The following VPS13C variants were observed in gnomAD, a reference collection of about 807,000 sequenced individuals.
The protein encoded by VPS13C is vacuolar protein sorting 13 homolog C.
A neutral mutation model predicts 456.8 loss-of-function variants in VPS13C; 358 were observed. The observed-to-expected ratio is 0.78, with a 90% confidence interval of 0.72 to 0.86. The LOEUF (loss-of-function observed/expected upper bound fraction) is 0.86. Among genes scored for constraint, VPS13C ranks in the 40% least tolerant of loss-of-function variants. The pLI is 0.00. For missense variants in VPS13C, 4,818 were observed against 4,385.4 expected (o/e 1.10, Z -2.79); for synonymous variants, 1,578 against 1,486.7 (o/e 1.06, Z -1.41).
rs74403638 is a variant in VPS13C, at chr15:62,031,266, T to A, written c.385+2175A>T. On this transcript the variant is annotated intron_variant, in intron 5 of 84. Coordinates refer to ENST00000644861, the MANE Select transcript of VPS13C (RefSeq NM_020821.3). The stretch of plus-strand genomic sequence containing the variant: ...TTTTGTTTTCATTTTTATCATCTGC[T>A]ACTTAGAGTTGAATCATCTCCTCTC... 1.4e-4 allele frequency among the ~76,000 whole-genome samples: 21 copies of A among 152,230 alleles called. No homozygotes were observed. The East Asian group carries it at 3.7e-3, about 27-fold the overall frequency.
At chr15:61,907,951 T>C (rs1363178527) in intron 65 of VPS13C, among the ~76,000 whole-genome samples, 1 of 152,096 alleles carries the variant, frequency 6.6e-6, no homozygotes, top group Non-Finnish European at 1.5e-5. Context: ...ACTTAAGATA[T>C]ATTATGGGTC....
intron 15 of VPS13C, among the ~76,000 whole-genome samples, chr15:62,006,842 T>A (rs1469804847): frequency 6.6e-6 from 1 of 152,222 alleles, no homozygotes; most frequent in East Asian, 1.9e-4. Context: ...GATTTGCATT[T>A]CTCTGATGGC....
Position 61,927,072 on chromosome 15 carries a change from G to C in VPS13C, c.6516+19C>G, listed in dbSNP as rs369800639. ...CTGCCATTCTTCAACCCAAGATTAG[G>C]ACACAAGGTAATTCTTACTGTGGTA... On this transcript the variant is annotated intron_variant, in intron 52 of 84. Coordinates refer to ENST00000644861, the MANE Select transcript of VPS13C (RefSeq NM_020821.3). 7 of 1,605,840 alleles carry C rather than the reference G, an allele frequency of 4.4e-6. No individual in the cohort carries two copies. Among genetic ancestry groups the C allele is most frequent in the Non-Finnish European group, 6.0e-6 (7 of 1,173,492 alleles).
At position 62,010,517 on chromosome 15, in the gene VPS13C, G is replaced by A. The variant is rs1383608475; in HGVS notation, c.966C>T (p.Cys322=). The A allele has an allele frequency of 1.9e-6, 3 of 1,613,262 alleles. No individual in the cohort carries two copies. Among genetic ancestry groups the A allele is most frequent in the Non-Finnish European group, 2.5e-6 (3 of 1,179,650 alleles). The change falls in exon 13 of 85, where the codon TGC becomes TGT. Residue 322 remains cysteine (C), a synonymous_variant. Transcript: ENST00000644861. ...TGGCAATATTTTGTATTTCTATGTTGCAATCCAGTTTGGGCGTTTTGAGCT... is the reference window on the plus strand; with the variant it reads ...TGGCAATATTTTGTATTTCTATGTTACAATCCAGTTTGGGCGTTTTGAGCT... ...ESELKTPKLD[C]NIEIQNIAIE... is the part of the protein sequence containing the mutation.
At position 61,991,774 on chromosome 15, in the gene VPS13C, T is replaced by C. The variant is rs2046230643; in HGVS notation, c.1382A>G (p.Lys461Arg). The change falls in exon 17 of 85, where the codon AAA becomes AGA. Residue 461 changes from lysine (K) to arginine (R), a missense_variant. Physicochemically the swap from Lys to Arg is conservative, Grantham distance 26 (BLOSUM62 2). Coordinates refer to ENST00000644861, the MANE Select transcript of VPS13C (RefSeq NM_020821.3). ...EVIRSGQKLR[K>R]KSADTGEKRG... ...TTTCTCGCCTGTGTCAGCAGACTTT[T>C]TCCTTAATTTTTGCCCAGACCGAAT... The C allele has an allele frequency of 6.2e-7, 1 of 1,613,354 alleles. No homozygotes were observed.
chr15:61,935,044 C>A (rs1034022883), intron 48 of VPS13C, among the ~76,000 whole-genome samples: 6 of 152,168 alleles, frequency 3.9e-5, no homozygotes, highest in Admixed American at 2.0e-4. Flanking sequence ...AGCCACTGCA[C>A]CCAGCCTCAT....
intron 15 of VPS13C, 42 bp downstream of exon 15, chr15:62,007,266 A>T: frequency 7.5e-7 from 1 of 1,334,122 alleles, no homozygotes; most frequent in South Asian, 2.2e-5. Flanking sequence ...TTAAAGGATG[A>T]TTAGACAAAT....
At chr15:61,983,051 T>A (rs192093836) in intron 20 of VPS13C, among the ~76,000 whole-genome samples, 112 of 152,310 alleles carry the variant, frequency 7.4e-4, no homozygotes, top group Non-Finnish European at 2.6e-4. Context: ...CATGTGAATG[T>A]ACTTAACACT....
At chr15:61,890,915 C>T (rs368246812) in intron 66 of VPS13C, among the ~76,000 whole-genome samples, 5 of 152,040 alleles carry the variant, frequency 3.3e-5, no homozygotes, top group South Asian at 2.1e-4. Flanking sequence ...GGCATGGTGG[C>T]GGGCACCTGT....
chr15:61,878,750 A>G lies in VPS13C; in HGVS notation c.10003-4T>C, dbSNP rs1408361643. The G allele has an allele frequency of 8.7e-6, 14 of 1,601,220 alleles. No individual in the cohort carries two copies. Among genetic ancestry groups the G allele is most frequent in the Non-Finnish European group, 1.0e-5 (12 of 1,174,858 alleles). On this transcript the variant is annotated splice_polypyrimidine_tract_variant and splice_region_variant and intron_variant, in intron 73 of 84. Transcript: ENST00000644861. ...CCAAAGACAAACTCAAATGCAACTA[A>G]AAGAAAAATAATGTTCAATAAATGA...
chr15:62,004,389 C>T (rs1288777245), intron 15 of VPS13C, among the ~76,000 whole-genome samples: 2 of 152,098 alleles, frequency 1.3e-5, no homozygotes, highest in Admixed American at 1.3e-4. Flanking sequence ...ATATTTATTG[C>T]ATCTATTTGA....
In VPS13C at chr15:61,854,913, G is replaced by A. The variant is rs2140828574; in HGVS notation, c.11118C>T (p.Gly3706=). The part of the protein sequence containing the change: ...LFHKKDSANQ[G]CVRKVYLKDT... ...CCTTCAGGTAAACTTTTCGAACACAGCCTTGATTGGCACTGTCTTTTTTGT... is the reference window on the plus strand; with the variant it reads ...CCTTCAGGTAAACTTTTCGAACACAACCTTGATTGGCACTGTCTTTTTTGT... The change falls in exon 84 of 85, where the codon GGC becomes GGT. Residue 3706 remains glycine, a synonymous_variant. Coordinates refer to ENST00000644861, the MANE Select transcript of VPS13C (RefSeq NM_020821.3). 1 of 1,613,370 alleles carries A rather than the reference G, an allele frequency of 6.2e-7. No individual in the cohort carries two copies. The highest frequency in any genetic ancestry group is 2.2e-5 in the East Asian group (1 of 44,862).
intron 16 of VPS13C, among the ~76,000 whole-genome samples, chr15:61,999,314 A>C (rs942693881): frequency 6.6e-6 from 1 of 151,710 alleles, no homozygotes; most frequent in Admixed American, 6.6e-5. Context: ...TGGGAGGTAG[A>C]GGTTGCAGTG....
At chr15:61,911,726 A>C (rs1000839236) in intron 63 of VPS13C, 114 bp downstream of exon 63, 2 of 1,084,276 alleles carry the variant, frequency 1.8e-6, no homozygotes, top group Non-Finnish European at 2.4e-6. Flanking sequence ...GCTGGCTGTC[A>C]TATTTCAACA....
chr15:61,907,319 G>A lies in VPS13C; in HGVS notation c.9050C>T (p.Thr3017Ile). ...TGCATATGTCCATGTAAGTTTTCTG[G>A]TACCAGTAGGATCTGCCCAGGCAAA... ...RLFAWADPTGTRKLTWTYAAN... is the reference protein window; with the variant it reads ...RLFAWADPTGIRKLTWTYAAN... Residue 3017 changes from threonine to isoleucine, a missense_variant, in exon 66 of 85, where the codon ACC (threonine) becomes ATC (isoleucine). Thr to Ile is a moderately conservative substitution (Grantham distance 89). This residue lies in a region of VPS13C where 4,552 missense variants were observed against 4,130.6 expected (regional missense o/e 1.10). Coordinates refer to ENST00000644861, the MANE Select transcript of VPS13C (RefSeq NM_020821.3). The A allele has an allele frequency of 1.9e-6, 3 of 1,613,928 alleles. No individual in the cohort carries two copies. The highest frequency in any genetic ancestry group is 2.2e-5 in the South Asian group (2 of 91,080).
Position 61,932,016 on chromosome 15 carries a change from T to TA in VPS13C, c.5869-758dup, listed in dbSNP as rs11432353. 8.0e-3 allele frequency among the ~76,000 whole-genome samples: 1,218 copies of TA among 152,260 alleles called. 12 individuals are homozygous for TA. The highest frequency in any genetic ancestry group is 0.028 in the African/African-American group (1,160 of 41,544). On this transcript the variant is annotated intron_variant, in intron 49 of 84. Transcript: ENST00000644861. ...ATTCCTTGAGAAAACAAAATAGAAA[T>TA]ACACTAAAAGGAACATCACAAGAAG...
intron 49 of VPS13C, among the ~76,000 whole-genome samples, chr15:61,931,740 C>G (rs1479689967): frequency 6.6e-6 from 1 of 151,550 alleles, no homozygotes; most frequent in Non-Finnish European, 1.5e-5. Flanking sequence ...CCATGCCCGG[C>G]TAATTTTTTT....
intron 67 of VPS13C, 57 bp downstream of exon 67, chr15:61,890,108 A>G: frequency 6.6e-7 from 1 of 1,525,386 alleles, no homozygotes; most frequent in East Asian, 2.3e-5. Flanking sequence ...CAAATCGGCT[A>G]TTATGAACTT....
Position 61,977,173 on chromosome 15 carries a change from G to A in VPS13C, c.2317C>T (p.Gln773Ter). ...AEETWKKCRF[Q>*]HPSTMHILQP... is the part of the protein sequence containing the mutation. ...AATATATGCATAGTTGATGGATGCT[G>A]AAATCGACACTTTTTCCAGGTTTCC... The change falls in exon 24 of 85, where the codon CAG (glutamine) becomes TAG (stop). Residue 773 changes from glutamine to a stop codon, truncating the protein, a stop_gained. Coordinates refer to ENST00000644861, the MANE Select transcript of VPS13C (RefSeq NM_020821.3). LOFTEE classifies it high-confidence loss of function. 4.5e-6 allele frequency: 7 copies of A among 1,560,046 alleles called. No homozygotes were observed. Among genetic ancestry groups the A allele is most frequent in the Non-Finnish European group, 6.0e-6 (7 of 1,157,442 alleles).
Sources: allele counts gnomAD v4.1 joint callset (sites outside exome capture counted in the v4.1 genomes callset), GRCh38; gene constraint gnomAD v4.1.1; regional missense constraint gnomAD v4.1.1; transcripts MANE v1.5; gene names NCBI Gene and HGNC (gene_info 2026-07-23, HGNC 2026-07-21).